CDKAL1: variants seen among roughly 807,000 people sequenced by gnomAD.
CDKAL1 encodes CDKAL1 threonylcarbamoyladenosine tRNA methylthiotransferase, also known as threonylcarbamoyladenosine tRNA methylthiotransferase.
A neutral mutation model predicts 68.2 loss-of-function variants in CDKAL1; 32 were observed. That is an observed-to-expected ratio of 0.47 (90% confidence interval 0.35 to 0.63). The LOEUF is 0.63. CDKAL1 is among the 30% of genes least tolerant of loss of function. The pLI is 0.00. For synonymous variants in CDKAL1, 234 were observed against 244.3 expected, an observed-to-expected ratio of 0.96 and a Z score of 0.39; for missense variants, 606 against 696.7, an observed-to-expected ratio of 0.87 and a Z score of 1.47.
At position 20,911,754 on chromosome 6, in the gene CDKAL1, G is replaced by A. The variant is rs544995960; in HGVS notation, c.743-43665G>A. 2.6e-5 allele frequency among the ~76,000 whole-genome samples: 4 copies of A among 152,272 alleles called. No individual in the cohort carries two copies. In the East Asian group the frequency reaches 5.8e-4, roughly 22 times the overall value. The stretch of plus-strand genomic sequence containing the variant: ...CAAATTTTACCTGTTCCTTTCTCTT[G>A]TGTCTTCCCCAACCTCTGAGATTTG... On this transcript the variant is annotated intron_variant, in intron 9 of 15. Coordinates refer to ENST00000274695, the MANE Select transcript of CDKAL1 (RefSeq NM_017774.3).
chr6:20,754,323 G>A (rs985730942), intron 6 of CDKAL1, among the ~76,000 whole-genome samples: 2 of 152,104 alleles, frequency 1.3e-5, no homozygotes, highest in East Asian at 1.9e-4. Context: ...TGGGTGTGAA[G>A]TAGTATCTCA....
intron 11 of CDKAL1, among the ~76,000 whole-genome samples, chr6:21,045,536 C>T (rs759974240): frequency 5.9e-5 from 9 of 152,260 alleles, no homozygotes; most frequent in African/African-American, 1.2e-4. Flanking sequence ...TGAAAATGTG[C>T]GTGATGAAAT....
intron 8 of CDKAL1, among the ~76,000 whole-genome samples, chr6:20,812,681 G>C (rs1014572649): frequency 6.6e-6 from 1 of 152,104 alleles, no homozygotes; most frequent in Non-Finnish European, 1.5e-5. Flanking sequence ...TAACAGCCTA[G>C]ATTGTTAGAT....
rs887631282 is a variant in CDKAL1 at position 21,232,014 on chromosome 6, T to TGTG, written c.*975_*976insGTG. 1.4e-5 allele frequency: 2 copies of TGTG among 145,796 alleles called. No individual in the cohort carries two copies. The highest frequency in any genetic ancestry group is 5.0e-5 in the African/African-American group (2 of 40,014). The allele number at this position is 145,796 out of a possible 1,614,324, so 9.0% of individuals were successfully genotyped here. A position where few individuals can be genotyped will look rare whatever the true frequency, so the allele number is the denominator to read the frequency against. The stretch of plus-strand genomic sequence containing the variant: ...GGGGTTTTTTTTTTGTTTTTGTTTT[T>TGTG]TTTTTTTTTTGAGTCAAGGTCTCAC... On this transcript the variant is annotated 3_prime_UTR_variant, in exon 16 of 16. Transcript: ENST00000274695.
rs188178540 is a variant in CDKAL1, at chr6:20,747,634, A to G, written c.468+8019A>G. Among the ~76,000 whole-genome samples the G allele has an allele frequency of 2.6e-5, 4 of 152,310 alleles. No homozygotes were observed. In the East Asian group the frequency reaches 7.7e-4, roughly 29 times the overall value. ...TTGGCTATTTGTATGTTTCCTTTGG[A>G]AAAATGTCTATTCAGGTCCTTTGCC... On this transcript the variant is annotated intron_variant, in intron 6 of 15. Coordinates refer to ENST00000274695, the MANE Select transcript of CDKAL1 (RefSeq NM_017774.3).
intron 15 of CDKAL1, among the ~76,000 whole-genome samples, chr6:21,224,400 G>A (rs773053014): frequency 2.6e-5 from 4 of 152,146 alleles, no homozygotes; most frequent in Admixed American, 1.3e-4. Context: ...GGTGACACGC[G>A]CTACTCGGGA....
intron 13 of CDKAL1, among the ~76,000 whole-genome samples, chr6:21,159,285 A>G (rs927775455): frequency 6.6e-6 from 1 of 152,178 alleles, no homozygotes; most frequent in Admixed American, 6.5e-5. Flanking sequence ...CACACTGATT[A>G]TAAGCTAGGA....
intron 9 of CDKAL1, among the ~76,000 whole-genome samples, chr6:20,869,495 A>C (rs1489999767): frequency 6.6e-6 from 1 of 152,212 alleles, no homozygotes; most frequent in Non-Finnish European, 1.5e-5. Flanking sequence ...AAATATAACA[A>C]AAACTTGTTT....
At chr6:21,141,692 A>C (rs547310782) in intron 13 of CDKAL1, among the ~76,000 whole-genome samples, 1 of 152,318 alleles carries the variant, frequency 6.6e-6, no homozygotes, top group South Asian at 2.1e-4. Flanking sequence ...TTAGGAGTGA[A>C]GTAGGAAGAA....
rs192850211 is a variant in CDKAL1 at position 20,989,629 on chromosome 6, A to G, written c.910-10598A>G. Among the ~76,000 whole-genome samples the G allele has an allele frequency of 5.6e-3, 847 of 152,324 alleles. 8 individuals carry two copies. The highest frequency in any genetic ancestry group is 0.019 in the African/African-American group (802 of 41,574). On this transcript the variant is annotated intron_variant, in intron 10 of 15. Coordinates refer to ENST00000274695, the MANE Select transcript of CDKAL1 (RefSeq NM_017774.3). ...CCTTTCCCCATTAAATTGATCAGCT[A>G]TTGATTCGTTCTGTTGGTGTGTAGC...
intron 12 of CDKAL1, among the ~76,000 whole-genome samples, chr6:21,070,216 G>GAT (rs1375168500): frequency 6.6e-6 from 1 of 152,084 alleles, no homozygotes; most frequent in East Asian, 1.9e-4. Context: ...TTTCCTGAAA[G>GAT]ATAGCACATG....
intron 4 of CDKAL1, among the ~76,000 whole-genome samples, chr6:20,558,207 G>A (rs1256989920): frequency 6.6e-6 from 1 of 152,188 alleles, no homozygotes. Context: ...CAAAATAAAA[G>A]CGAAGTACCA....
chr6:20,820,049 G>T (rs1341109632), intron 8 of CDKAL1, among the ~76,000 whole-genome samples: 1 of 152,126 alleles, frequency 6.6e-6, no homozygotes. Flanking sequence ...GAAGTCTCGT[G>T]TGTAACCTAC....
chr6:20,599,527 TTTTA>T (rs1438635507), intron 4 of CDKAL1: 1 of 306,026 alleles, frequency 3.3e-6, no homozygotes, highest in East Asian at 8.3e-5. Flanking sequence ...CACCTGTATT[TTTTA>T]TTTGTGTTTC....
chr6:21,053,711 G>C (rs547387298), intron 11 of CDKAL1, among the ~76,000 whole-genome samples: 42 of 151,574 alleles, frequency 2.8e-4, no homozygotes, highest in Middle Eastern at 6.8e-3. Flanking sequence ...TCATTTTTCT[G>C]ACTAGTGACA....
chr6:21,101,710 C>CT lies in CDKAL1; in HGVS notation c.1237-6685dup, dbSNP rs199948994. Among the ~76,000 whole-genome samples, 946 of 150,570 alleles carry CT rather than the reference C, an allele frequency of 6.3e-3. 8 individuals carry two copies. The highest frequency in any genetic ancestry group is 0.022 in the African/African-American group (893 of 40,092). On this transcript the variant is annotated intron_variant, in intron 12 of 15. Transcript: ENST00000274695. ...TCCCTATATTCAGAACTGAATTATC[C>CT]TTTTTTCCCCCAGTCTCCAAAACCA...
At chr6:20,623,591 G>T (rs1271449049) in intron 4 of CDKAL1, among the ~76,000 whole-genome samples, 4 of 152,078 alleles carry the variant, frequency 2.6e-5, no homozygotes, top group Non-Finnish European at 5.9e-5. Context: ...AAATATTTAT[G>T]CAGTGCAAAT....
chr6:21,164,834 T>C (rs1215454861), intron 13 of CDKAL1, among the ~76,000 whole-genome samples: 1 of 152,154 alleles, frequency 6.6e-6, no homozygotes, highest in Non-Finnish European at 1.5e-5. Context: ...TGCCTCTTCA[T>C]CAACAGCATG....
chr6:20,827,682 G>A (rs1328341010), intron 8 of CDKAL1, among the ~76,000 whole-genome samples: 1 of 152,080 alleles, frequency 6.6e-6, no homozygotes, highest in African/African-American at 2.4e-5. Flanking sequence ...CTGGCCTTCT[G>A]TGTTCGTTTA....
Sources: allele counts gnomAD v4.1 joint callset (sites outside exome capture counted in the v4.1 genomes callset), GRCh38; gene constraint gnomAD v4.1.1; transcripts MANE v1.5; gene names NCBI Gene and HGNC (gene_info 2026-07-23, HGNC 2026-07-21).